The following VOPP1 variants were observed in gnomAD, a reference collection of about 807,000 sequenced individuals.
VOPP1 encodes WW domain binding protein VOPP1.
VOPP1 carries 8 observed loss-of-function variants against 23.5 expected under a neutral mutation model. That is an observed-to-expected ratio of 0.34 (90% CI 0.20 to 0.61). The LOEUF is 0.61. VOPP1 is among the 20% of genes least tolerant of loss of function. The pLI is 0.78. For missense variants in VOPP1, 174 were observed against 238.1 expected, an observed-to-expected ratio of 0.73 and a Z score of 1.77; for synonymous variants, 83 against 97.3, an observed-to-expected ratio of 0.85 and a Z score of 0.86.
chr7:55,516,924 ATATATATATTTTTTTTTTTTTTT>A (rs1181049804), intron 2 of VOPP1, among the ~76,000 whole-genome samples: 3 of 43,064 alleles, frequency 7.0e-5, no homozygotes, highest in East Asian at 1.2e-3. Flanking sequence ...ATATATATAT[ATATATATATTTTTTTTTTTTTTT>A]TTTTTTTTTT....
chr7:55,565,841 C>T (rs1798146485), intron 1 of VOPP1, among the ~76,000 whole-genome samples: 1 of 152,062 alleles, frequency 6.6e-6, no homozygotes, highest in African/African-American at 2.4e-5. Context: ...CAGACCACAC[C>T]CACAGAACAG....
At chr7:55,493,332 T>G (rs978974421) in intron 3 of VOPP1, 2 of 152,288 alleles carry the variant, frequency 1.3e-5, no homozygotes, top group African/African-American at 4.8e-5. Flanking sequence ...CCAGAAGCCA[T>G]GCAGACACCC....
intron 2 of VOPP1, among the ~76,000 whole-genome samples, chr7:55,509,157 A>T (rs778491193): frequency 2.6e-5 from 4 of 152,222 alleles, no homozygotes; most frequent in Non-Finnish European, 5.9e-5. Flanking sequence ...AAGGGAGATG[A>T]GATTCTAGTA....
At chr7:55,435,651 C>T (rs1790804905), downstream of VOPP1, among the ~76,000 whole-genome samples, 1 of 152,206 alleles carries the variant, frequency 6.6e-6, no homozygotes, top group Admixed American at 6.5e-5. Flanking sequence ...GGCAGGGCTC[C>T]TTTATGATCC....
chr7:55,533,006 G>T (rs1033694813), intron 1 of VOPP1, among the ~76,000 whole-genome samples: 3 of 152,168 alleles, frequency 2.0e-5, no homozygotes. Flanking sequence ...TCCACGTGCT[G>T]CCCCAAAGCA....
At chr7:55,550,526 G>A (rs1241857915) in intron 1 of VOPP1, among the ~76,000 whole-genome samples, 1 of 152,114 alleles carries the variant, frequency 6.6e-6, no homozygotes, top group Non-Finnish European at 1.5e-5. Context: ...TCCGGTCTAG[G>A]CATTCTATTT....
chr7:55,442,197 CA>C (rs1446063885), intron 4 of VOPP1, among the ~76,000 whole-genome samples: 1 of 152,100 alleles, frequency 6.6e-6, no homozygotes, highest in Non-Finnish European at 1.5e-5. Context: ...TAGAATTGCC[CA>C]GGGTCACACA....
At chr7:55,474,362 A>AC (rs1280023510) in intron 4 of VOPP1, among the ~76,000 whole-genome samples, 4 of 151,670 alleles carry the variant, frequency 2.6e-5, no homozygotes, top group African/African-American at 9.8e-5. Flanking sequence ...ATGTTATACA[A>AC]TTAAAAAACC....
downstream of VOPP1, among the ~76,000 whole-genome samples, chr7:55,470,337 G>C (rs113024401): frequency 2.6e-5 from 4 of 152,308 alleles, no homozygotes; most frequent in East Asian, 7.7e-4. Context: ...AAGGCTCCCC[G>C]ACCTGTGAAA....
At chr7:55,457,766 T>A (rs990544906) in intron 4 of VOPP1, among the ~76,000 whole-genome samples, 2 of 152,196 alleles carry the variant, frequency 1.3e-5, no homozygotes, top group Non-Finnish European at 2.9e-5. Context: ...TTTTGAGAAA[T>A]GTCTCTTCAT....
chr7:55,500,334 A>G (rs1334635703), intron 2 of VOPP1, among the ~76,000 whole-genome samples: 1 of 152,220 alleles, frequency 6.6e-6, no homozygotes. Flanking sequence ...TATTAATAGC[A>G]GCCACGTGAG....
chr7:55,451,421 T>C (rs957824965), intron 4 of VOPP1, among the ~76,000 whole-genome samples: 1 of 152,234 alleles, frequency 6.6e-6, no homozygotes, highest in Non-Finnish European at 1.5e-5. Context: ...TAGAAGTTGT[T>C]TACATTATAC....
chr7:55,529,661 T>C (rs995199747), intron 1 of VOPP1, among the ~76,000 whole-genome samples: 5 of 152,332 alleles, frequency 3.3e-5, no homozygotes, highest in African/African-American at 1.2e-4. Context: ...TATACAGCTG[T>C]GCCTCCAACA....
At chr7:55,558,219 A>G (rs1797873625) in intron 1 of VOPP1, among the ~76,000 whole-genome samples, 1 of 152,234 alleles carries the variant, frequency 6.6e-6, no homozygotes, top group African/African-American at 2.4e-5. Context: ...ACACAATAAT[A>G]ATAATAATAA....
At chr7:55,522,198 G>A (rs28564891) in intron 1 of VOPP1, among the ~76,000 whole-genome samples, 390 of 152,322 alleles carry the variant, frequency 2.6e-3, no homozygotes, top group African/African-American at 9.0e-3. Flanking sequence ...CGATTGCCCT[G>A]CAGCTGGAAT....
intron 1 of VOPP1, among the ~76,000 whole-genome samples, chr7:55,530,306 C>T (rs1796428313): frequency 6.6e-6 from 1 of 152,016 alleles, no homozygotes; most frequent in African/African-American, 2.4e-5. Flanking sequence ...GGTATCTCAT[C>T]GTGATTTTAA....
At chr7:55,468,271 GAAA>G (rs747918983), downstream of VOPP1, among the ~76,000 whole-genome samples, 1 of 54,216 alleles carries the variant, frequency 1.8e-5, no homozygotes, top group Admixed American at 2.3e-4. Flanking sequence ...CTTCGTCTCA[GAAA>G]AAAAAAAAAA....
At chr7:55,439,392 C>T (rs923395018) in intron 4 of VOPP1, among the ~76,000 whole-genome samples, 7 of 152,002 alleles carry the variant, frequency 4.6e-5, no homozygotes, top group Admixed American at 6.6e-5. Context: ...TGGAGGTCTG[C>T]GGTGAACTCC....
chr7:55,545,785 AG>A (rs1445833352), intron 1 of VOPP1, among the ~76,000 whole-genome samples: 1 of 152,160 alleles, frequency 6.6e-6, no homozygotes, highest in African/African-American at 2.4e-5. Flanking sequence ...GTGTTTAAAA[AG>A]GAATGATTTG....
Sources: gnomAD v4.1 joint callset for allele counts (sites outside exome capture counted in the v4.1 genomes callset) on GRCh38, gnomAD v4.1.1 for gene constraint, MANE v1.5 for transcripts, NCBI Gene and HGNC (gene_info 2026-07-23, HGNC 2026-07-21) for gene names.